The following AVEN variants were observed in gnomAD, a reference collection of about 807,000 sequenced individuals.
The protein encoded by AVEN is apoptosis and caspase activation inhibitor.
A neutral mutation model predicts 38.1 loss-of-function variants in AVEN; 41 were observed. That is an observed-to-expected ratio of 1.08 (90% CI 0.84 to 1.40). The LOEUF (loss-of-function observed/expected upper bound fraction) is 1.40, where lower values mean the gene tolerates loss of function less well. AVEN is among the 40% of genes most tolerant of loss of function. The pLI is 0.00. For synonymous variants in AVEN, 206 were observed against 171.8 expected (o/e 1.20, Z -1.56); for missense variants, 605 against 438.8 (o/e 1.38, Z -3.38).
intron 2 of AVEN, among the ~76,000 whole-genome samples, chr15:33,901,403 T>C (rs1892495008): frequency 6.6e-6 from 1 of 152,226 alleles, no homozygotes; most frequent in African/African-American, 2.4e-5. Context: ...TTTTATCTAT[T>C]TGCCCACTGA....
chr15:34,009,291 T>C (rs1897530483), intron 1 of AVEN, among the ~76,000 whole-genome samples: 1 of 152,134 alleles, frequency 6.6e-6, no homozygotes, highest in Admixed American at 6.5e-5. Context: ...CAAGTGGTCC[T>C]AAACAGCAAT....
At chr15:33,930,926 G>A (rs1326430075) in intron 2 of AVEN, among the ~76,000 whole-genome samples, 1 of 140,924 alleles carries the variant, frequency 7.1e-6, no homozygotes, top group Non-Finnish European at 1.5e-5. Context: ...CTGTACTTCA[G>A]CCTGGGCGAC....
intron 2 of AVEN, among the ~76,000 whole-genome samples, chr15:33,894,010 C>T (rs1255313416): frequency 3.4e-5 from 5 of 146,148 alleles, no homozygotes; most frequent in Non-Finnish European, 5.9e-5. Context: ...AGTGCAATGG[C>T]GTGATCTCGG....
At chr15:33,997,222 C>T (rs776535789) in intron 2 of AVEN, among the ~76,000 whole-genome samples, 2 of 152,106 alleles carry the variant, frequency 1.3e-5, no homozygotes, top group African/African-American at 4.8e-5. Flanking sequence ...AAACAATGCA[C>T]TGAAAGACAC....
chr15:33,978,157 T>A (rs1280279399), intron 2 of AVEN, among the ~76,000 whole-genome samples: 1 of 152,036 alleles, frequency 6.6e-6, no homozygotes, highest in African/African-American at 2.4e-5. Flanking sequence ...TCCAAGTACA[T>A]GAAGAAAGAG....
chr15:34,023,333 A>G (rs1898294954), intron 1 of AVEN, among the ~76,000 whole-genome samples: 1 of 152,240 alleles, frequency 6.6e-6, no homozygotes, highest in South Asian at 2.1e-4. Flanking sequence ...TGCTATCAGC[A>G]AAAGAAATAG....
intron 1 of AVEN, among the ~76,000 whole-genome samples, chr15:34,011,085 G>C (rs1248289628): frequency 6.6e-6 from 1 of 152,112 alleles, no homozygotes. Flanking sequence ...CCTGCACTTT[G>C]GGAGGCCTAG....
intron 1 of AVEN, among the ~76,000 whole-genome samples, chr15:34,016,303 G>A (rs888769407): frequency 6.6e-5 from 10 of 152,182 alleles, no homozygotes; most frequent in Admixed American, 5.2e-4. Flanking sequence ...AGAATGAAGT[G>A]CACAGTACTA....
At chr15:33,879,860 A>G (rs1567392822) in intron 2 of AVEN, among the ~76,000 whole-genome samples, 1 of 152,226 alleles carries the variant, frequency 6.6e-6, no homozygotes, top group East Asian at 1.9e-4. Context: ...TGTAATGTCT[A>G]TAAAGAGAAC....
At chr15:33,885,742 G>C (rs541360101) in intron 2 of AVEN, 1 of 152,248 alleles carries the variant, frequency 6.6e-6, no homozygotes, top group African/African-American at 2.4e-5. Context: ...GGATTATGTT[G>C]AAGGAAATGC....
chr15:33,875,917 T>C lies in AVEN; in HGVS notation c.516+8A>G, dbSNP rs1398195034. ...GCCAGTCCACACTTAACACAACTCT[T>C]ATCTTACCTGTTTTGGACAAGAAGC... On this transcript the variant is annotated splice_region_variant and intron_variant, in intron 3 of 5. Coordinates refer to ENST00000306730, the MANE Select transcript of AVEN (RefSeq NM_020371.3). 6.2e-7 allele frequency: 1 copy of C among 1,612,626 alleles called. No homozygotes were observed. Among genetic ancestry groups the C allele is most frequent in the Non-Finnish European group, 8.5e-7 (1 of 1,178,760 alleles).
intron 2 of AVEN, among the ~76,000 whole-genome samples, chr15:33,959,562 C>T (rs1895088698): frequency 6.6e-6 from 1 of 152,182 alleles, no homozygotes; most frequent in Non-Finnish European, 1.5e-5. Context: ...AGGGAGGCCC[C>T]CTCCTCTCTC....
chr15:33,974,013 G>A (rs1231478945), intron 2 of AVEN, among the ~76,000 whole-genome samples: 1 of 152,140 alleles, frequency 6.6e-6, no homozygotes, highest in Admixed American at 6.5e-5. Context: ...TGAAATAATA[G>A]CTATAAGGAG....
intron 2 of AVEN, among the ~76,000 whole-genome samples, chr15:33,890,427 G>A (rs1277912001): frequency 2.6e-5 from 4 of 152,098 alleles, no homozygotes; most frequent in Admixed American, 1.3e-4. Flanking sequence ...ATGAGCAAAC[G>A]AACAAGAATA....
intron 2 of AVEN, among the ~76,000 whole-genome samples, chr15:33,889,306 C>G (rs1055920479): frequency 7.9e-5 from 12 of 152,116 alleles, no homozygotes; most frequent in Non-Finnish European, 1.5e-4. Context: ...TAATCTCTGT[C>G]AGTATAACAA....
At chr15:33,898,122 A>G (rs1892323030) in intron 2 of AVEN, among the ~76,000 whole-genome samples, 1 of 151,432 alleles carries the variant, frequency 6.6e-6, no homozygotes, top group South Asian at 2.1e-4. Context: ...CAGGGAGGCA[A>G]AGCTTGCAGT....
At chr15:33,881,124 T>C (rs1409023649) in intron 2 of AVEN, among the ~76,000 whole-genome samples, 1 of 152,204 alleles carries the variant, frequency 6.6e-6, no homozygotes, top group African/African-American at 2.4e-5. Context: ...GGTCTCACTC[T>C]GTCACCCTGG....
At chr15:33,971,216 AAC>A (rs1895624816) in intron 2 of AVEN, among the ~76,000 whole-genome samples, 1 of 152,038 alleles carries the variant, frequency 6.6e-6, no homozygotes, top group East Asian at 1.9e-4. Context: ...AGAGATTCTG[AAC>A]AGTCTTGGGA....
intron 2 of AVEN, among the ~76,000 whole-genome samples, chr15:33,878,485 T>A (rs116322214): frequency 0.024 from 3,698 of 152,218 alleles, 155 homozygotes; most frequent in African/African-American, 0.083. Flanking sequence ...ATTTCTCAGA[T>A]GTAAAACATA....
Sources: allele counts gnomAD v4.1 joint callset (sites outside exome capture counted in the v4.1 genomes callset), GRCh38; gene constraint gnomAD v4.1.1; transcripts MANE v1.5; gene names NCBI Gene and HGNC (gene_info 2026-07-23, HGNC 2026-07-21).